ABCC5: variants seen among roughly 807,000 people sequenced by gnomAD.
The protein encoded by ABCC5 is ATP-binding cassette sub-family C member 5.
ABCC5 carries 61 observed loss-of-function variants against 160.9 expected under a neutral mutation model. The observed-to-expected ratio is 0.38, with a 90% CI of 0.31 to 0.47. The LOEUF is 0.47. Ranked by LOEUF, ABCC5 falls within the 20% of genes least tolerant of loss-of-function variation. ABCC5 has a pLI of 0.99. For synonymous variants in ABCC5, 666 were observed against 700.6 expected (o/e 0.95, Z 0.78); for missense variants, 1,308 against 1,813.3 (o/e 0.72, Z 5.06).
At position 183,977,600 on chromosome 3, in the gene ABCC5, T is replaced by A; in HGVS notation, c.1321A>T (p.Asn441Tyr). ...ACTTTCAAAGCAAAAGTCATGGAAT[T>A]GAAGACTGTCACCACTGTGAAAGCC... ...AQAFTVVTVF[N>Y]SMTFALKVTP... The change falls in exon 10 of 30, where the codon AAT becomes TAT. Residue 441 changes from asparagine to tyrosine, a missense_variant. By Grantham distance (143) the Asn-to-Tyr change is moderately radical (BLOSUM62 -2). Transcript: ENST00000334444. 6.2e-7 allele frequency: 1 copy of A among 1,614,024 alleles called. No homozygotes were observed. The highest frequency in any genetic ancestry group is 8.5e-7 in the Non-Finnish European group (1 of 1,179,906).
At chr3:184,006,031 G>A (rs1302625434) in intron 2 of ABCC5, among the ~76,000 whole-genome samples, 6 of 152,002 alleles carry the variant, frequency 3.9e-5, no homozygotes, top group Admixed American at 2.0e-4. Flanking sequence ...GGAAAGCCGC[G>A]GCAGTCTTGC....
At chr3:184,010,754 T>G (rs939557087) in intron 2 of ABCC5, 3 of 152,310 alleles carry the variant, frequency 2.0e-5, no homozygotes, top group Non-Finnish European at 4.4e-5. Flanking sequence ...TTTACCCATA[T>G]GCACTTCAAA....
intron 17 of ABCC5, among the ~76,000 whole-genome samples, chr3:183,957,910 C>T (rs1294379428): frequency 6.7e-6 from 1 of 149,244 alleles, no homozygotes. Context: ...ACATGCGGAT[C>T]CGTGTGTATA....
chr3:183,982,678 C>T lies in ABCC5; in HGVS notation c.826-54G>A. ...CCCTGCAAGGACACGGTTCATTTGTCTCAGGAGGAAGATAAAGGATAAGGC... is the reference window on the plus strand; with the variant it reads ...CCCTGCAAGGACACGGTTCATTTGTTTCAGGAGGAAGATAAAGGATAAGGC... On this transcript the variant is annotated intron_variant, in intron 6 of 29. Coordinates refer to ENST00000334444, the MANE Select transcript of ABCC5 (RefSeq NM_005688.4). This position sits in a 1 kb window ranked among gnomAD's most constrained non-coding sequence, Gnocchi z 5.2. 6.2e-7 allele frequency: 1 copy of T among 1,608,820 alleles called. No individual in the cohort carries two copies. Among genetic ancestry groups the T allele is most frequent in the Non-Finnish European group, 8.5e-7 (1 of 1,175,976 alleles).
chr3:183,981,960 A>G, intron 7 of ABCC5, 86 bp from the exon 8 acceptor site: 1 of 1,455,556 alleles, frequency 6.9e-7, no homozygotes, highest in South Asian at 1.4e-5. Context: ...TCTCAATAAA[A>G]TGAGCATATA....
At chr3:184,015,437 C>T (rs563507603) in intron 1 of ABCC5, among the ~76,000 whole-genome samples, 2 of 152,276 alleles carry the variant, frequency 1.3e-5, no homozygotes, top group East Asian at 1.9e-4. Flanking sequence ...GTAGCCGTGT[C>T]GCCTTCTGGA....
chr3:183,937,394 A>C (rs1380570976), intron 26 of ABCC5, among the ~76,000 whole-genome samples: 4 of 152,114 alleles, frequency 2.6e-5, no homozygotes, highest in African/African-American at 9.7e-5. Context: ...CAGAACAAAA[A>C]AACTGCAACT....
chr3:183,928,627 C>T (rs1188149589), intron 27 of ABCC5, 120 bp downstream of exon 27: 12 of 836,540 alleles, frequency 1.4e-5, no homozygotes, highest in Middle Eastern at 3.6e-4. Flanking sequence ...AGCCCTGCCA[C>T]GAAGCCTTTG....
In ABCC5 at chr3:183,951,319, A is replaced by G; in HGVS notation, c.2944+122T>C. The G allele has an allele frequency of 7.6e-7, 1 of 1,318,154 alleles. No homozygotes were observed. Among genetic ancestry groups the G allele is most frequent in the Non-Finnish European group, 1.0e-6 (1 of 969,608 alleles). The allele number at this position is 1,318,154 out of a possible 1,614,324, so 81.7% of individuals were successfully genotyped here. ...CAGTTGCAATGTTCCTGGTGAAAAC[A>G]CCAGCAGTCACTGTGCTCTCAGGAT... is the stretch of plus-strand genomic sequence containing the variant. On this transcript the variant is annotated intron_variant, in intron 20 of 29. Coordinates refer to ENST00000334444, the MANE Select transcript of ABCC5 (RefSeq NM_005688.4). This position sits in a 1 kb window ranked among gnomAD's most constrained non-coding sequence, Gnocchi z 4.7.
At chr3:184,007,016 CTTTTTTTTTTTTTT>C (rs376229755) in intron 2 of ABCC5, among the ~76,000 whole-genome samples, 1 of 81,138 alleles carries the variant, frequency 1.2e-5, no homozygotes, top group Non-Finnish European at 2.2e-5. Context: ...TTTACTTCTG[CTTTTTTTTTTTTTT>C]TTTTTTTTTT....
intron 11 of ABCC5, among the ~76,000 whole-genome samples, 166 bp downstream of exon 11, chr3:183,971,396 CT>C (rs1246561299): frequency 1.3e-5 from 2 of 152,120 alleles, no homozygotes; most frequent in African/African-American, 4.8e-5. Flanking sequence ...TTGCTAAATG[CT>C]TAGTTGGTTT....
chr3:183,971,447 C>A, intron 11 of ABCC5, 116 bp downstream of exon 11: 1 of 977,256 alleles, frequency 1.0e-6, no homozygotes, highest in Non-Finnish European at 1.5e-6. Flanking sequence ...CTCTTTAGTT[C>A]AAAATCACTC....
chr3:183,937,170 C>T (rs543368678), intron 26 of ABCC5, among the ~76,000 whole-genome samples: 21 of 151,730 alleles, frequency 1.4e-4, no homozygotes, highest in Non-Finnish European at 2.7e-4. Context: ...TGAGGTCAGG[C>T]GTTCAAGGCC....
At chr3:183,976,370 T>C (rs1454394222) in intron 10 of ABCC5, among the ~76,000 whole-genome samples, 2 of 152,064 alleles carry the variant, frequency 1.3e-5, no homozygotes, top group African/African-American at 4.8e-5. Context: ...TCTTCCCACC[T>C]CAGCCCCCCG....
chr3:183,984,388 C>A, intron 5 of ABCC5: 1 of 990,384 alleles, frequency 1.0e-6, no homozygotes, highest in Non-Finnish European at 1.2e-6. Flanking sequence ...TACCCAGGTG[C>A]CTTATAGCAA....
chr3:184,007,393 C>CT (rs1721314734), intron 2 of ABCC5, among the ~76,000 whole-genome samples: 1 of 152,058 alleles, frequency 6.6e-6, no homozygotes, highest in African/African-American at 2.4e-5. Context: ...GCACCCTTAC[C>CT]TTTGCCTGAG....
intron 17 of ABCC5, among the ~76,000 whole-genome samples, chr3:183,956,512 A>C (rs1366666637): frequency 1.4e-5 from 2 of 139,400 alleles, no homozygotes; most frequent in Non-Finnish European, 3.1e-5. Flanking sequence ...CCGTGTGTAT[A>C]TCACATCGGT....
rs1719312835 is a variant in ABCC5 at position 183,987,372 on chromosome 3, C to T, written c.591+398G>A. 4.7e-6 allele frequency: 2 copies of T among 426,102 alleles called. No homozygotes were observed. Among genetic ancestry groups the T allele is most frequent in the Non-Finnish European group, 8.4e-6 (2 of 237,950 alleles). The allele number at this position is 426,102 out of a possible 1,614,324, so 26.4% of individuals were successfully genotyped here. On this transcript the variant is annotated intron_variant, in intron 5 of 29. Transcript: ENST00000334444. This position sits in a 1 kb window ranked among gnomAD's most constrained non-coding sequence, Gnocchi z 4.2. ...AGACCTGCCAAACATGTGATAACTG[C>T]CTCCAGGCACTTGGTATGTTCCCGG...
At chr3:183,993,965 T>C (rs1168612618) in intron 2 of ABCC5, among the ~76,000 whole-genome samples, 1 of 150,094 alleles carries the variant, frequency 6.7e-6, no homozygotes, top group Non-Finnish European at 1.5e-5. Flanking sequence ...ATCTCACTTT[T>C]TTTTTTTTTT....
Sources: gnomAD v4.1 joint callset for allele counts (sites outside exome capture counted in the v4.1 genomes callset) on GRCh38, gnomAD v4.1.1 for gene constraint, Gnocchi (gnomAD v3.1) non-coding constraint, MANE v1.5 for transcripts, NCBI Gene and HGNC (gene_info 2026-07-23, HGNC 2026-07-21) for gene names.